Variants in NF1 observed in about 807,000 individuals in gnomAD.
The protein encoded by NF1 is neurofibromin.
In NF1, 122 loss-of-function variants were observed where a neutral mutation model predicts 325.7. The ratio of observed to expected loss-of-function variants is 0.37; its 90% CI spans 0.32 to 0.44. The LOEUF (loss-of-function observed/expected upper bound fraction) is 0.44. Ranked by LOEUF, NF1 falls within the 20% of genes least tolerant of loss-of-function variation. NF1 has a pLI of 1.00. For synonymous variants in NF1, 1,091 were observed against 1,186.0 expected, an observed-to-expected ratio of 0.92 and a Z score of 1.65; for missense variants, 2,140 against 3,415.4, an observed-to-expected ratio of 0.63 and a Z score of 9.31.
intron 39 of NF1, among the ~76,000 whole-genome samples, chr17:31,333,536 T>C (rs2069560635): frequency 6.6e-6 from 1 of 152,182 alleles, no homozygotes; most frequent in African/African-American, 2.4e-5. Flanking sequence ...ATTGCACAGA[T>C]TTATTTTGCC....
At position 31,173,466 on chromosome 17, in the gene NF1, C is replaced by T. The variant is rs111365150; in HGVS notation, c.586+3469C>T. On this transcript the variant is annotated intron_variant, in intron 5 of 57. Coordinates refer to ENST00000358273, the MANE Select transcript of NF1 (RefSeq NM_001042492.3). ...AAAAAATTAGCCGGGTGTGGTGGCA[C>T]GTGCCCATAATCCCAGCTACTCGGG... is the stretch of plus-strand genomic sequence containing the variant. 3.7e-3 allele frequency among the ~76,000 whole-genome samples: 565 copies of T among 151,826 alleles called. 6 individuals are homozygous for T. The highest frequency in any genetic ancestry group is 0.013 in the African/African-American group (537 of 41,432).
At chr17:31,304,486 G>T (rs1224374558) in intron 36 of NF1, 4 of 1,614,060 alleles carry the variant, frequency 2.5e-6, no homozygotes, top group African/African-American at 1.3e-5. Context: ...GTCCAGAGAT[G>T]GAGGGAGACT....
chr17:31,172,429 A>G (rs1325314631), intron 5 of NF1, among the ~76,000 whole-genome samples: 1 of 152,102 alleles, frequency 6.6e-6, no homozygotes, highest in Admixed American at 6.5e-5. Flanking sequence ...CGATATGTGT[A>G]TATCCAGATC....
chr17:31,149,445 C>T lies in NF1; in HGVS notation c.61-6538C>T, dbSNP rs139993219. ...TCCCAAGTAGCTGGGATTATAGGCA[C>T]GCGCCACCATGGTCAACTAATTTTT... On this transcript the variant is annotated intron_variant, in intron 1 of 57. Coordinates refer to ENST00000358273, the MANE Select transcript of NF1 (RefSeq NM_001042492.3). Among the ~76,000 whole-genome samples, 949 of 152,122 alleles carry T rather than the reference C, an allele frequency of 6.2e-3. 4 individuals are homozygous for T. Among genetic ancestry groups the T allele is most frequent in the Non-Finnish European group, 8.7e-3 (592 of 67,996 alleles).
chr17:31,305,096 A>G, intron 36 of NF1: 1 of 1,614,106 alleles, frequency 6.2e-7, no homozygotes, highest in Non-Finnish European at 8.5e-7. Flanking sequence ...TTGACAGTTG[A>G]TGTTGGTTGT....
intron 31 of NF1, chr17:31,253,303 TAATTTCAAGGCCTTAGGA>T (rs2067525698): frequency 3.2e-6 from 1 of 312,196 alleles, no homozygotes; most frequent in African/African-American, 2.1e-5. Flanking sequence ...CAAAGAAACT[TAATTTCAAGGCCTTAGGA>T]AACGCTGACT....
At chr17:31,107,374 C>T (rs967559228) in intron 1 of NF1, among the ~76,000 whole-genome samples, 5 of 152,198 alleles carry the variant, frequency 3.3e-5, no homozygotes, top group Non-Finnish European at 7.4e-5. Context: ...AGACCTGAAG[C>T]TCTTGTTCCT....
At chr17:31,279,895 T>C (rs1165445936) in intron 36 of NF1, among the ~76,000 whole-genome samples, 2 of 152,208 alleles carry the variant, frequency 1.3e-5, no homozygotes, top group African/African-American at 4.8e-5. Context: ...TTGTCACTTA[T>C]TTTTCATAAT....
intron 29 of NF1, among the ~76,000 whole-genome samples, chr17:31,240,214 C>T (rs2067271736): frequency 6.6e-6 from 1 of 152,022 alleles, no homozygotes; most frequent in African/African-American, 2.4e-5. Flanking sequence ...TCCCCGGTCT[C>T]CCCTTCCCCA....
chr17:31,223,237 A>C (rs1913415098), intron 15 of NF1, among the ~76,000 whole-genome samples: 1 of 152,178 alleles, frequency 6.6e-6, no homozygotes, highest in Non-Finnish European at 1.5e-5. Flanking sequence ...ATAGATAAAT[A>C]CTTGCTTTTT....
intron 29 of NF1, among the ~76,000 whole-genome samples, chr17:31,242,495 GTCTCCTCTGTGTATTTTCATAT>G (rs925498560): frequency 6.6e-5 from 10 of 151,350 alleles, no homozygotes; most frequent in Non-Finnish European, 1.2e-4. Context: ...CTTTATTCTT[GTCTCCTCTGTGTATTTTCATAT>G]AGGCTGCCTT....
intron 38 of NF1, among the ~76,000 whole-genome samples, chr17:31,329,774 T>C (rs1295709593): frequency 6.6e-6 from 1 of 152,196 alleles, no homozygotes; most frequent in Non-Finnish European, 1.5e-5. Context: ...GGGTAACTTT[T>C]AGGACACCCA....
At chr17:31,174,248 C>G (rs2065980348) in intron 5 of NF1, among the ~76,000 whole-genome samples, 2 of 152,182 alleles carry the variant, frequency 1.3e-5, no homozygotes. Flanking sequence ...TTTACTGTTA[C>G]TTGCGTTAAA....
At chr17:31,237,957 A>G (rs1439037848) in intron 29 of NF1, among the ~76,000 whole-genome samples, 1 of 152,186 alleles carries the variant, frequency 6.6e-6, no homozygotes, top group Non-Finnish European at 1.5e-5. Context: ...ACAACATGAA[A>G]AAAGCTAAAA....
intron 36 of NF1, among the ~76,000 whole-genome samples, chr17:31,283,739 T>C (rs2068170476): frequency 6.6e-6 from 1 of 152,190 alleles, no homozygotes. Context: ...TGATCCACCT[T>C]GGCGTCCCAA....
chr17:31,139,969 C>T (rs1916098802), intron 1 of NF1, among the ~76,000 whole-genome samples: 1 of 152,150 alleles, frequency 6.6e-6, no homozygotes, highest in Non-Finnish European at 1.5e-5. Flanking sequence ...GCATACTGCC[C>T]TAAGCAGTAA....
chr17:31,150,089 T>TG (rs1351147118), intron 1 of NF1, among the ~76,000 whole-genome samples: 1 of 152,204 alleles, frequency 6.6e-6, no homozygotes, highest in African/African-American at 2.4e-5. Context: ...ACAGGTCGAG[T>TG]ATCCCGTATC....
intron 29 of NF1, among the ~76,000 whole-genome samples, chr17:31,248,197 C>T (rs952853762): frequency 2.7e-5 from 4 of 145,708 alleles, no homozygotes; most frequent in Non-Finnish European, 5.9e-5. Context: ...AGTGAAACTC[C>T]ATCCCCCGCC....
At chr17:31,244,202 C>G (rs2067352377) in intron 29 of NF1, among the ~76,000 whole-genome samples, 1 of 152,142 alleles carries the variant, frequency 6.6e-6, no homozygotes, top group Non-Finnish European at 1.5e-5. Flanking sequence ...ACAAGGTCCT[C>G]TTTACTCTCT....
Sources: gnomAD v4.1 joint callset for allele counts (sites outside exome capture counted in the v4.1 genomes callset) on GRCh38, gnomAD v4.1.1 for gene constraint, MANE v1.5 for transcripts, NCBI Gene and HGNC (gene_info 2026-07-23, HGNC 2026-07-21) for gene names.